The following DNAJC3 variants were observed in gnomAD, a reference collection of about 807,000 sequenced individuals.
The protein encoded by DNAJC3 is dnaJ homolog subfamily C member 3.
DNAJC3 carries 38 observed loss-of-function variants against 68.6 expected under a neutral mutation model. The observed-to-expected ratio is 0.55, with a 90% confidence interval of 0.43 to 0.73. The LOEUF (loss-of-function observed/expected upper bound fraction) is 0.73. Ranked by LOEUF, DNAJC3 falls within the 30% of genes least tolerant of loss-of-function variation. The pLI is 0.00. For synonymous variants in DNAJC3, 203 were observed against 204.0 expected (o/e 1.00, Z 0.04); for missense variants, 526 against 591.9 (o/e 0.89, Z 1.16).
intron 9 of DNAJC3, among the ~76,000 whole-genome samples, chr13:95,768,676 T>G (rs73554964): frequency 0.015 from 2,279 of 152,194 alleles, 61 homozygotes; most frequent in African/African-American, 0.052. Flanking sequence ...AAGTATTCTG[T>G]GTTCAAAATT....
At chr13:95,744,869 C>G (rs1172595139) in intron 4 of DNAJC3, 1 of 152,068 alleles carries the variant, frequency 6.6e-6, no homozygotes, top group Non-Finnish European at 1.5e-5. Flanking sequence ...ATTCAGAGAC[C>G]ACTGGTCATT....
chr13:95,718,991 A>T (rs1389446631), intron 2 of DNAJC3, among the ~76,000 whole-genome samples: 1 of 152,174 alleles, frequency 6.6e-6, no homozygotes, highest in Non-Finnish European at 1.5e-5. Flanking sequence ...TTCAGAAGCC[A>T]TTCATAAGGC....
chr13:95,736,261 C>T (rs1404658270), intron 4 of DNAJC3, among the ~76,000 whole-genome samples: 1 of 152,146 alleles, frequency 6.6e-6, no homozygotes, highest in Non-Finnish European at 1.5e-5. Flanking sequence ...AGTGTGATGC[C>T]TCCAGCTTTG....
rs77181755 is a variant in DNAJC3, at chr13:95,724,557, G to A, written c.319-621G>A. 4.1e-4 allele frequency among the ~76,000 whole-genome samples: 63 copies of A among 152,260 alleles called. 1 individual carries two copies. The East Asian group carries it at 0.012, about 29-fold the overall frequency. ...ATGCCATCAGACTTACCCTTTAAAAGTATTCAGTGGTTTTTAGTATATTCA... is the reference window on the plus strand; with the variant it reads ...ATGCCATCAGACTTACCCTTTAAAAATATTCAGTGGTTTTTAGTATATTCA... On this transcript the variant is annotated intron_variant, in intron 3 of 11. Transcript: ENST00000602402.
In DNAJC3 at chr13:95,791,881, G is replaced by A. The variant is rs987479951; in HGVS notation, c.*851G>A. 1 of 152,148 alleles carries A rather than the reference G, an allele frequency of 6.6e-6. No individual in the cohort carries two copies. The highest frequency in any genetic ancestry group is 6.5e-5 in the Admixed American group (1 of 15,272). 9.4% of individuals were successfully genotyped at this position (152,148 alleles called of 1,614,324 possible). A position where few individuals can be genotyped will look rare whatever the true frequency, so the allele number is the denominator to read the frequency against. ...AACTGAAGTTCTGAGTTTTTATAGG[G>A]AATTTCATGTAACAAGACTGGTTTA... On this transcript the variant is annotated 3_prime_UTR_variant, in exon 12 of 12. Coordinates refer to ENST00000602402, the MANE Select transcript of DNAJC3 (RefSeq NM_006260.5).
At chr13:95,757,188 A>G (rs959658655) in intron 4 of DNAJC3, among the ~76,000 whole-genome samples, 2 of 152,046 alleles carry the variant, frequency 1.3e-5, no homozygotes, top group Non-Finnish European at 2.9e-5. Context: ...CAACCTCTAA[A>G]AAAGCTGGCC....
intron 2 of DNAJC3, among the ~76,000 whole-genome samples, chr13:95,709,702 C>T (rs1323527915): frequency 6.8e-6 from 1 of 147,990 alleles, no homozygotes; most frequent in Non-Finnish European, 1.5e-5. Flanking sequence ...TGCAGTGGCA[C>T]GATCTTGGCT....
intron 1 of DNAJC3, among the ~76,000 whole-genome samples, chr13:95,700,228 G>A (rs1268190613): frequency 6.6e-6 from 1 of 152,064 alleles, no homozygotes; most frequent in Non-Finnish European, 1.5e-5. Context: ...TGGGATTACA[G>A]GTCTGCATCA....
At chr13:95,745,382 G>GT (rs571295822) in intron 4 of DNAJC3, 16 of 152,264 alleles carry the variant, frequency 1.1e-4, no homozygotes, top group African/African-American at 3.9e-4. Context: ...CACGTCTATC[G>GT]TAAGAACTGC....
At chr13:95,685,328 T>G (rs1480454745) in intron 1 of DNAJC3, among the ~76,000 whole-genome samples, 1 of 152,272 alleles carries the variant, frequency 6.6e-6, no homozygotes, top group Non-Finnish European at 1.5e-5. Context: ...TTTTAGCACG[T>G]GCATGGGGCC....
At chr13:95,729,849 T>C (rs1356933414) in intron 4 of DNAJC3, among the ~76,000 whole-genome samples, 2 of 152,182 alleles carry the variant, frequency 1.3e-5, no homozygotes, top group Non-Finnish European at 2.9e-5. Flanking sequence ...TAAATGGGAT[T>C]ATTTGTTTTC....
intron 4 of DNAJC3, among the ~76,000 whole-genome samples, chr13:95,733,672 T>C (rs1331361312): frequency 6.6e-6 from 1 of 151,812 alleles, no homozygotes; most frequent in Admixed American, 6.6e-5. Context: ...AGTGCTGGGA[T>C]TACATGTGTG....
chr13:95,722,488 T>C (rs1881353042), intron 2 of DNAJC3, among the ~76,000 whole-genome samples: 1 of 151,938 alleles, frequency 6.6e-6, no homozygotes, highest in Admixed American at 6.6e-5. Flanking sequence ...AGTTATGAGT[T>C]GAGGCTGGGT....
intron 1 of DNAJC3, among the ~76,000 whole-genome samples, chr13:95,685,022 C>A (rs758060362): frequency 6.6e-6 from 1 of 152,248 alleles, no homozygotes; most frequent in Non-Finnish European, 1.5e-5. Flanking sequence ...GGGTTGGAGC[C>A]CCCAACAGAG....
At chr13:95,764,857 C>T (rs1418874147) in intron 9 of DNAJC3, among the ~76,000 whole-genome samples, 1 of 150,242 alleles carries the variant, frequency 6.7e-6, no homozygotes, top group South Asian at 2.1e-4. Context: ...GCCTTATAAG[C>T]CCTTATTGCA....
chr13:95,789,194 GGTTT>G (rs1883690242), intron 11 of DNAJC3, among the ~76,000 whole-genome samples: 1 of 152,028 alleles, frequency 6.6e-6, no homozygotes, highest in Non-Finnish European at 1.5e-5. Context: ...TACATGTGCA[GGTTT>G]GTTACATAGG....
rs1883785028 is a variant in DNAJC3, at chr13:95,791,827, T to G, written c.*797T>G. 1 of 152,252 alleles carries G rather than the reference T, an allele frequency of 6.6e-6. No individual in the cohort carries two copies. The highest frequency in any genetic ancestry group is 2.4e-5 in the African/African-American group (1 of 41,470). The allele number at this position is 152,252 out of a possible 1,614,324, so 9.4% of individuals were successfully genotyped here. A position where few individuals can be genotyped will look rare whatever the true frequency, so the allele number is the denominator to read the frequency against. ...GTGGTGGTATTTAAAATAATATTGCTGAAGTGCAGATTGAAATACTTTTTA... is the reference window on the plus strand; with the variant it reads ...GTGGTGGTATTTAAAATAATATTGCGGAAGTGCAGATTGAAATACTTTTTA... On this transcript the variant is annotated 3_prime_UTR_variant, in exon 12 of 12. Coordinates refer to ENST00000602402, the MANE Select transcript of DNAJC3 (RefSeq NM_006260.5).
intron 7 of DNAJC3, among the ~76,000 whole-genome samples, chr13:95,761,441 G>C (rs779649734): frequency 6.6e-5 from 10 of 152,124 alleles, no homozygotes; most frequent in African/African-American, 2.4e-4. Context: ...TAGAAAATAG[G>C]CTCCAATTCC....
intron 4 of DNAJC3, among the ~76,000 whole-genome samples, chr13:95,726,100 G>C (rs557247156): frequency 6.6e-6 from 1 of 151,988 alleles, no homozygotes; most frequent in African/African-American, 2.4e-5. Context: ...TTGGTTCCAA[G>C]TCTTTGCTAT....
Sources: allele counts gnomAD v4.1 joint callset (sites outside exome capture counted in the v4.1 genomes callset), GRCh38; gene constraint gnomAD v4.1.1; transcripts MANE v1.5; gene names NCBI Gene and HGNC (gene_info 2026-07-23, HGNC 2026-07-21).